The following NUDT3 variants were observed in gnomAD, a reference collection of about 807,000 sequenced individuals.
NUDT3 encodes the protein diphosphoinositol polyphosphate phosphohydrolase 1.
A neutral mutation model predicts 23.6 loss-of-function variants in NUDT3; 9 were observed. The ratio of observed to expected loss-of-function variants is 0.38; its 90% CI spans 0.23 to 0.66. NUDT3 has a LOEUF of 0.66. Ranked by LOEUF, NUDT3 falls within the 30% of genes least tolerant of loss-of-function variation. NUDT3 has a pLI of 0.52. For missense variants in NUDT3, 172 were observed against 218.5 expected, an observed-to-expected ratio of 0.79 and a Z score of 1.34; for synonymous variants, 86 against 82.6, an observed-to-expected ratio of 1.04 and a Z score of -0.22.
chr6:34,289,268 G>C (rs1436278625), intron 4 of NUDT3, among the ~76,000 whole-genome samples: 2 of 152,096 alleles, frequency 1.3e-5, no homozygotes, highest in Non-Finnish European at 2.9e-5. Flanking sequence ...CCCATCTCCT[G>C]TAAAAACTGA....
chr6:34,338,805 G>C (rs970617086), intron 2 of NUDT3, among the ~76,000 whole-genome samples: 6 of 152,216 alleles, frequency 3.9e-5, no homozygotes, highest in Admixed American at 3.9e-4. Flanking sequence ...CCAGGCAGAG[G>C]AGAATGTCTG....
intron 2 of NUDT3, among the ~76,000 whole-genome samples, chr6:34,314,771 G>A (rs1048842366): frequency 2.6e-5 from 4 of 151,952 alleles, no homozygotes; most frequent in Non-Finnish European, 4.4e-5. Context: ...GTGTGATTCG[G>A]GGCAAATTAG....
chr6:34,371,503 T>A (rs1262823545), intron 1 of NUDT3, among the ~76,000 whole-genome samples: 1 of 151,974 alleles, frequency 6.6e-6, no homozygotes, highest in Non-Finnish European at 1.5e-5. Flanking sequence ...ATAGCAAGTC[T>A]CATACTCAGC....
intron 1 of NUDT3, among the ~76,000 whole-genome samples, chr6:34,358,288 CACA>C (rs1764594833): frequency 6.6e-6 from 1 of 151,872 alleles, no homozygotes; most frequent in African/African-American, 2.4e-5. Flanking sequence ...CACACACACA[CACA>C]CCCCTTATAA....
At chr6:34,290,983 G>A (rs1016467921) in intron 4 of NUDT3, among the ~76,000 whole-genome samples, 5 of 151,258 alleles carry the variant, frequency 3.3e-5, no homozygotes, top group Non-Finnish European at 4.4e-5. Context: ...TTATTGAGAC[G>A]GAGGCTCACT....
At chr6:34,312,786 G>A (rs1763794420) in intron 2 of NUDT3, among the ~76,000 whole-genome samples, 1 of 152,204 alleles carries the variant, frequency 6.6e-6, no homozygotes, top group Non-Finnish European at 1.5e-5. Context: ...CCTTCAGTAG[G>A]TGAATGGATA....
chr6:34,336,308 G>C (rs1025619484), intron 2 of NUDT3, among the ~76,000 whole-genome samples: 2 of 152,056 alleles, frequency 1.3e-5, no homozygotes, highest in African/African-American at 2.4e-5. Context: ...AGTGGGGTGG[G>C]GGAGTTTGGG....
chr6:34,285,724 G>A lies in NUDT3; in HGVS notation c.*3029C>T, dbSNP rs1763326478. On this transcript the variant is annotated 3_prime_UTR_variant, in exon 5 of 5. Coordinates refer to ENST00000607016, the MANE Select transcript of NUDT3 (RefSeq NM_006703.4). ...TAATCTATCACTAAAGGACTGTGAC[G>A]ACATTCTCAATAAAGACAGTCATGG... 1 of 152,292 alleles carries A rather than the reference G, an allele frequency of 6.6e-6. No individual in the cohort carries two copies. The highest frequency in any genetic ancestry group is 2.1e-4 in the South Asian group (1 of 4,826). 9.4% of individuals were successfully genotyped at this position (152,292 alleles called of 1,614,324 possible). A position where few individuals can be genotyped will look rare whatever the true frequency, so the allele number is the denominator to read the frequency against.
chr6:34,329,311 G>A (rs1001476410), intron 2 of NUDT3, among the ~76,000 whole-genome samples: 13 of 151,728 alleles, frequency 8.6e-5, no homozygotes, highest in Non-Finnish European at 1.3e-4. Context: ...ATGAAGTCTC[G>A]CTCTTATCCC....
At chr6:34,315,972 C>CT (rs1763851455) in intron 2 of NUDT3, among the ~76,000 whole-genome samples, 1 of 152,156 alleles carries the variant, frequency 6.6e-6, no homozygotes, top group Non-Finnish European at 1.5e-5. Context: ...TAAAAACAAC[C>CT]TCTTCCCCTT....
chr6:34,312,266 G>C (rs1295760264), intron 2 of NUDT3, among the ~76,000 whole-genome samples: 2 of 152,048 alleles, frequency 1.3e-5, no homozygotes, highest in African/African-American at 4.8e-5. Flanking sequence ...GCCGAGTGTG[G>C]TGGTGCGCGC....
chr6:34,340,987 T>TA (rs1025143583), intron 2 of NUDT3, among the ~76,000 whole-genome samples: 1 of 152,116 alleles, frequency 6.6e-6, no homozygotes, highest in African/African-American at 2.4e-5. Flanking sequence ...ACATAGGAAT[T>TA]AGACTTGTTG....
At chr6:34,361,322 A>C (rs1469043153) in intron 1 of NUDT3, among the ~76,000 whole-genome samples, 3 of 152,264 alleles carry the variant, frequency 2.0e-5, no homozygotes, top group Non-Finnish European at 4.4e-5. Context: ...AACAACAAGA[A>C]GACACTACTT....
chr6:34,313,663 TAA>T (rs555768374), intron 2 of NUDT3, among the ~76,000 whole-genome samples: 1 of 144,244 alleles, frequency 6.9e-6, no homozygotes, highest in African/African-American at 2.5e-5. Context: ...TAAAACGGCT[TAA>T]AAAAAAAAAA....
Position 34,373,345 on chromosome 6 carries a change from T to C in NUDT3, c.99+18919A>G, listed in dbSNP as rs867765934. Among the ~76,000 whole-genome samples the C allele has an allele frequency of 4.2e-4, 40 of 95,120 alleles. 3 individuals are homozygous for C. Among genetic ancestry groups the C allele is most frequent in the Admixed American group, 2.0e-3 (15 of 7,448 alleles). 62.4% of individuals were successfully genotyped at this position (95,120 alleles called of 152,430 possible). A position where few individuals can be genotyped will look rare whatever the true frequency, so the allele number is the denominator to read the frequency against. ...AATTGCATATTATATGTGAATTTAA[T>C]GTTATAAAATTTAAAGCCAGAATGA... On this transcript the variant is annotated intron_variant, in intron 1 of 4. Transcript: ENST00000607016.
intron 1 of NUDT3, among the ~76,000 whole-genome samples, chr6:34,371,631 A>G (rs1764831488): frequency 6.6e-6 from 1 of 152,222 alleles, no homozygotes; most frequent in Non-Finnish European, 1.5e-5. Context: ...TGGTTCACTG[A>G]TTAGAAGAAT....
At chr6:34,367,954 G>A (rs544580515) in intron 1 of NUDT3, among the ~76,000 whole-genome samples, 1 of 152,326 alleles carries the variant, frequency 6.6e-6, no homozygotes, top group South Asian at 2.1e-4. Flanking sequence ...TGTAATTCCA[G>A]CACTTTGGGA....
At chr6:34,293,428 C>T (rs961163142) in intron 4 of NUDT3, 23 bp downstream of exon 4, 2 of 1,613,762 alleles carry the variant, frequency 1.2e-6, no homozygotes, top group African/African-American at 2.7e-5. Context: ...GAACCCTTTC[C>T]AGGCTGTCTG....
chr6:34,312,736 A>G (rs1185539158), intron 2 of NUDT3, among the ~76,000 whole-genome samples: 1 of 152,222 alleles, frequency 6.6e-6, no homozygotes, highest in African/African-American at 2.4e-5. Flanking sequence ...CTTTATTAAT[A>G]ACTGCCAAAA....
Sources: allele counts gnomAD v4.1 joint callset (sites outside exome capture counted in the v4.1 genomes callset), GRCh38; gene constraint gnomAD v4.1.1; transcripts MANE v1.5; gene names NCBI Gene and HGNC (gene_info 2026-07-23, HGNC 2026-07-21).